Variants in TMEM132D observed in about 807,000 individuals in gnomAD.
The protein encoded by TMEM132D is transmembrane protein 132D, also known as mature OL transmembrane protein.
A neutral mutation model predicts 62.3 loss-of-function variants in TMEM132D; 21 were observed. The observed-to-expected ratio is 0.34, with a 90% CI of 0.24 to 0.49. The LOEUF (loss-of-function observed/expected upper bound fraction) is 0.49, where lower values mean the gene tolerates loss of function less well. TMEM132D is among the 20% of genes least tolerant of loss of function. The probability of loss-of-function intolerance (pLI) is 0.99; values close to 1 mark genes in which losing one functional copy is unlikely to be tolerated. For missense variants in TMEM132D, 1,346 were observed against 1,402.8 expected (o/e 0.96, Z 0.65); for synonymous variants, 621 against 575.6 (o/e 1.08, Z -1.13).
intron 1 of TMEM132D, among the ~76,000 whole-genome samples, chr12:129,820,587 T>C (rs533952974): frequency 1.1e-4 from 17 of 152,334 alleles, no homozygotes; most frequent in African/African-American, 4.1e-4. Flanking sequence ...TTACTTATGT[T>C]TTCATGCCCA....
At chr12:129,800,332 G>A (rs539224144) in intron 1 of TMEM132D, among the ~76,000 whole-genome samples, 1 of 151,578 alleles carries the variant, frequency 6.6e-6, no homozygotes, top group Non-Finnish European at 1.5e-5. Flanking sequence ...CGGGCAGAGA[G>A]TGTCAAAAGG....
At chr12:129,140,339 A>G (rs1352011442) in intron 5 of TMEM132D, among the ~76,000 whole-genome samples, 1 of 152,126 alleles carries the variant, frequency 6.6e-6, no homozygotes, top group Non-Finnish European at 1.5e-5. Context: ...TGCACACCTT[A>G]AAGATATACA....
At chr12:129,363,071 A>C (rs1443212803) in intron 3 of TMEM132D, among the ~76,000 whole-genome samples, 3 of 152,214 alleles carry the variant, frequency 2.0e-5, no homozygotes, top group Non-Finnish European at 4.4e-5. Context: ...TTATTGTGTT[A>C]GTATTTTTAG....
chr12:129,229,856 C>T (rs2135577939), intron 4 of TMEM132D, among the ~76,000 whole-genome samples: 1 of 152,278 alleles, frequency 6.6e-6, no homozygotes, highest in East Asian at 1.9e-4. Flanking sequence ...ATTATCTGTG[C>T]TGATGAGGGT....
At chr12:129,463,727 C>A (rs537664210) in intron 3 of TMEM132D, among the ~76,000 whole-genome samples, 1 of 150,854 alleles carries the variant, frequency 6.6e-6, no homozygotes, top group African/African-American at 2.5e-5. Flanking sequence ...ATGCGGTGTT[C>A]GGTTTTTTGT....
rs1345722606 is a variant in TMEM132D, at chr12:129,371,611, G to A, written c.1116-33794C>T. On this transcript the variant is annotated intron_variant, in intron 3 of 8. Transcript: ENST00000422113. This position sits in a 1 kb window ranked among gnomAD's most constrained non-coding sequence, Gnocchi z 4.3. ...GTAACAATGATCATGGCAGATTGTG[G>A]TGATGATGATGGTGGTGATGGTGAT... is the stretch of plus-strand genomic sequence containing the variant. Among the ~76,000 whole-genome samples, 1 of 151,446 alleles carries A rather than the reference G, an allele frequency of 6.6e-6. No individual in the cohort carries two copies. The highest frequency in any genetic ancestry group is 1.5e-5 in the Non-Finnish European group (1 of 67,876).
chr12:129,513,966 T>A (rs7134794), intron 3 of TMEM132D, among the ~76,000 whole-genome samples: 5 of 150,768 alleles, frequency 3.3e-5, no homozygotes. Flanking sequence ...GCCTCCCGAG[T>A]AGCTGGGACT....
intron 4 of TMEM132D, among the ~76,000 whole-genome samples, chr12:129,258,936 A>G (rs1199955702): frequency 1.3e-5 from 2 of 152,198 alleles, no homozygotes; most frequent in African/African-American, 2.4e-5. Context: ...TTGGGTGTGC[A>G]TGAGTCATTG....
intron 2 of TMEM132D, among the ~76,000 whole-genome samples, chr12:129,535,341 T>A (rs1876351015): frequency 6.6e-6 from 1 of 152,158 alleles, no homozygotes; most frequent in Non-Finnish European, 1.5e-5. Context: ...GGGAAGTCAG[T>A]CTTTACCTGG....
intron 1 of TMEM132D, among the ~76,000 whole-genome samples, chr12:129,851,883 G>T (rs1421293280): frequency 6.6e-6 from 1 of 152,196 alleles, no homozygotes; most frequent in Non-Finnish European, 1.5e-5. Flanking sequence ...CTTTGTGTTT[G>T]CCCACCATAA....
At chr12:129,087,201 A>C (rs1874649117) in intron 5 of TMEM132D, among the ~76,000 whole-genome samples, 1 of 151,930 alleles carries the variant, frequency 6.6e-6, no homozygotes, top group Non-Finnish European at 1.5e-5. Flanking sequence ...ACTTTTCCCG[A>C]CGTATAAGCA....
At chr12:129,433,619 T>A (rs914142057) in intron 3 of TMEM132D, among the ~76,000 whole-genome samples, 9 of 152,136 alleles carry the variant, frequency 5.9e-5, no homozygotes, top group African/African-American at 1.9e-4. Context: ...TTGTTGCCAC[T>A]AAAAGAAACA....
intron 2 of TMEM132D, among the ~76,000 whole-genome samples, chr12:129,601,714 C>A (rs555885206): frequency 2.2e-5 from 3 of 135,020 alleles, no homozygotes; most frequent in South Asian, 2.3e-4. Flanking sequence ...GCAGTCAGAA[C>A]ACACACATTT....
At chr12:129,210,496 T>C (rs1879006497) in intron 4 of TMEM132D, among the ~76,000 whole-genome samples, 2 of 152,166 alleles carry the variant, frequency 1.3e-5, no homozygotes, top group Non-Finnish European at 2.9e-5. Context: ...TGTAAACCCT[T>C]CTTTCATCGA....
intron 2 of TMEM132D, among the ~76,000 whole-genome samples, chr12:129,584,272 T>C (rs1877956598): frequency 6.6e-6 from 1 of 152,248 alleles, no homozygotes; most frequent in African/African-American, 2.4e-5. Context: ...AGTGTATTGC[T>C]AATATAAGTG....
intron 1 of TMEM132D, among the ~76,000 whole-genome samples, chr12:129,761,663 A>G (rs1021575224): frequency 2.0e-5 from 3 of 152,208 alleles, no homozygotes; most frequent in African/African-American, 7.2e-5. Context: ...ACAATAAAGT[A>G]TAACATGTAA....
chr12:129,764,037 T>C (rs1870470365), intron 1 of TMEM132D, among the ~76,000 whole-genome samples: 1 of 152,180 alleles, frequency 6.6e-6, no homozygotes, highest in Admixed American at 6.5e-5. Context: ...CCTGCCCCCA[T>C]GCCCCAGCTT....
chr12:129,190,138 GGAGGGGGT>G (rs1878345174), intron 5 of TMEM132D, among the ~76,000 whole-genome samples: 6 of 77,134 alleles, frequency 7.8e-5, no homozygotes, highest in Admixed American at 6.0e-4. Context: ...GCAGATGGAG[GGAGGGGGT>G]CTCAGGCCTG....
At chr12:129,845,999 T>A (rs1259979942) in intron 1 of TMEM132D, among the ~76,000 whole-genome samples, 3 of 152,200 alleles carry the variant, frequency 2.0e-5, no homozygotes, top group Non-Finnish European at 2.9e-5. Flanking sequence ...GTCGTTGCCA[T>A]GGAAAGGGGA....
Sources: gnomAD v4.1 joint callset for allele counts (sites outside exome capture counted in the v4.1 genomes callset) on GRCh38, gnomAD v4.1.1 for gene constraint, Gnocchi (gnomAD v3.1) non-coding constraint, MANE v1.5 for transcripts, NCBI Gene and HGNC (gene_info 2026-07-23, HGNC 2026-07-21) for gene names.